WAS: variants seen among roughly 807,000 people sequenced by gnomAD.
The protein encoded by WAS is WASP actin nucleation promoting factor.
Under a neutral mutation model 38.9 loss-of-function variants are expected in WAS, and 1 was observed. That is an observed-to-expected ratio of 0.03 (90% CI 0.01 to 0.12). The LOEUF (loss-of-function observed/expected upper bound fraction) is 0.12, where lower values mean the gene tolerates loss of function less well. Among genes scored for constraint, WAS ranks in the 10% least tolerant of loss-of-function variants. The probability of loss-of-function intolerance (pLI) is 1.00; values close to 1 mark genes in which losing one functional copy is unlikely to be tolerated. For synonymous variants in WAS, 182 were observed against 173.6 expected (o/e 1.05, Z -0.38); for missense variants, 311 against 431.2 (o/e 0.72, Z 2.47).
chrX:48,684,096 C>G, intron 1 of WAS, 111 bp downstream of exon 1: 1 of 1,109,830 alleles, frequency 9.0e-7, no homozygotes, highest in South Asian at 1.9e-5. Flanking sequence ...CCATCATCTC[C>G]TCTCCTAGAA....
At chrX:48,689,920 G>A (rs2062434433) in intron 11 of WAS, among the ~76,000 whole-genome samples, 1 of 107,085 alleles carries the variant, frequency 9.3e-6, no homozygotes, top group African/African-American at 3.4e-5. Flanking sequence ...AGGATTGCTT[G>A]ACCCTGGGAG....
chrX:48,687,827 G>C (rs1022783539), intron 7 of WAS, among the ~76,000 whole-genome samples: 2 of 111,685 alleles, frequency 1.8e-5, no homozygotes, highest in Non-Finnish European at 3.8e-5. Context: ...GTGGACAAAT[G>C]CATGGGATAG....
Position 48,678,525 on chromosome X carries a change from C to T in WAS, c.-131+1777C>T, listed in dbSNP as rs112592174. On this transcript the variant is annotated intron_variant, in intron 1 of 8. Transcript: ENST00000450772. The stretch of plus-strand genomic sequence containing the variant: ...ACAGGAGGTGATTCATCTGGTGCCC[C>T]TAGGGGTTGGAGGGGAAGGTGATGG... Among the ~76,000 whole-genome samples the T allele has an allele frequency of 5.3e-3, 589 of 110,906 alleles. 7 individuals carry two copies. Among genetic ancestry groups the T allele is most frequent in the African/African-American group, 0.017 (521 of 30,511 alleles).
rs193922412 is a variant in WAS at position 48,688,910 on chromosome X, A to ACCACCACCG, written c.1197_1205dup (p.Pro402_Pro404dup). ...CTGGAGCTGGTGGGCCACCCATGCCACCACCACCGCCACCACCGCCACCGC... is the reference window on the plus strand; with the variant it reads ...CTGGAGCTGGTGGGCCACCCATGCCACCACCACCGCCACCACCGCCACCACCGCCACCGC... On this transcript the variant is annotated inframe_insertion, in exon 10 of 12. Transcript: ENST00000376701. The ACCACCACCG allele has an allele frequency of 1.8e-5, 20 of 1,127,303 alleles. No homozygotes were observed. The highest frequency in any genetic ancestry group is 2.7e-5 in the Admixed American group (1 of 37,371). 92.9% of individuals were successfully genotyped at this position (1,127,303 alleles called of 1,213,427 possible).
Position 48,688,368 on chromosome X carries a change from C to G in WAS, c.846C>G (p.Thr282=). 1 of 1,209,886 alleles carries G rather than the reference C, an allele frequency of 8.3e-7. No homozygotes were observed. The part of the protein sequence containing the change: ...SRAGISEAQL[T]DAETSKLIYD... ...CAGGAATCAGCGAGGCCCAGCTCACCGACGCCGAGACCTCTAAACTTATCT... is the reference window on the plus strand; with the variant it reads ...CAGGAATCAGCGAGGCCCAGCTCACGGACGCCGAGACCTCTAAACTTATCT... Residue 282 remains threonine (T), a synonymous_variant, in exon 9 of 12, where the codon ACC becomes ACG. Coordinates refer to ENST00000376701, the MANE Select transcript of WAS (RefSeq NM_000377.3).
intron 11 of WAS, 174 bp downstream of exon 11, chrX:48,689,608 A>G: frequency 2.1e-6 from 1 of 470,248 alleles, no homozygotes; most frequent in Non-Finnish European, 3.8e-6. Context: ...ATTATGTGAC[A>G]ATAATATAAT....
At chrX:48,685,411 G>A (rs2062415673) in intron 2 of WAS, 136 bp from the exon 3 acceptor site, 1 of 516,750 alleles carries the variant, frequency 1.9e-6, no homozygotes, top group Non-Finnish European at 3.4e-6. Flanking sequence ...CAACTCTCTG[G>A]TGCTGAGCTG....
chrX:48,684,217 G>A, intron 1 of WAS, 66 bp from the exon 2 acceptor site: 1 of 1,205,122 alleles, frequency 8.3e-7, no homozygotes, highest in Non-Finnish European at 1.1e-6. Context: ...GAAGGACCAG[G>A]TCTGGCTCCA....
chrX:48,689,304 T>A lies in WAS; in HGVS notation c.1339-16T>A. 8.5e-7 allele frequency: 1 copy of A among 1,182,479 alleles called. No individual in the cohort carries two copies. The highest frequency in any genetic ancestry group is 1.1e-6 in the Non-Finnish European group (1 of 876,705). The stretch of plus-strand genomic sequence containing the variant: ...CCAGGCCCTAAGCCCTCTGTGCTGA[T>A]CCCTGCCTGCTGCAGACCCCTGGGG... On this transcript the variant is annotated splice_polypyrimidine_tract_variant and intron_variant, in intron 10 of 11. Transcript: ENST00000376701.
Position 48,686,800 on chromosome X carries a change from C to T in WAS, c.579C>T (p.Leu193=). The change falls in exon 7 of 12, where the codon CTC becomes CTT. Residue 193 remains leucine (L), a synonymous_variant. Transcript: ENST00000376701. The part of the protein sequence containing the change: ...GDQGGPPVGP[L]SLGLATVDIQ... ...CCACAGGCCCTCCAGTGGGTCCGCT[C>T]TCCCTGGGGCTGGCGACAGTGGACA... The T allele has an allele frequency of 8.3e-7, 1 of 1,211,599 alleles. No homozygotes were observed. The highest frequency in any genetic ancestry group is 1.1e-6 in the Non-Finnish European group (1 of 895,500).
intron 11 of WAS, among the ~76,000 whole-genome samples, chrX:48,690,569 C>T (rs782010302): frequency 2.4e-5 from 2 of 82,046 alleles, no homozygotes; most frequent in South Asian, 7.1e-4. Flanking sequence ...CTTCATCTTT[C>T]GACAATGATT....
chrX:48,684,503 G>A (rs2062413496), intron 2 of WAS, 80 bp downstream of exon 2: 2 of 1,117,242 alleles, frequency 1.8e-6, no homozygotes, highest in Non-Finnish European at 2.4e-6. Flanking sequence ...TGTGTCCATA[G>A]CTTCAAGACC....
upstream of WAS, among the ~76,000 whole-genome samples, chrX:48,680,570 C>T (rs1671847256): frequency 9.0e-6 from 1 of 111,665 alleles, no homozygotes; most frequent in South Asian, 3.7e-4. Flanking sequence ...GTCTTCCTAA[C>T]TGCTCATTAT....
At chrX:48,680,014 G>C (rs1214242422), upstream of WAS, among the ~76,000 whole-genome samples, 3 of 111,239 alleles carry the variant, frequency 2.7e-5, no homozygotes, top group Admixed American at 2.9e-4. Flanking sequence ...GGAGACCCTC[G>C]ACCCAAAGGA....
intron 6 of WAS, 117 bp from the exon 7 acceptor site, chrX:48,686,664 A>G (rs2062420934): frequency 6.8e-6 from 6 of 881,662 alleles, no homozygotes; most frequent in Non-Finnish European, 9.7e-6. Flanking sequence ...TTCACCCACT[A>G]CCTCCATGAC....
chrX:48,688,320 T>C lies in WAS; in HGVS notation c.798T>C (p.Asp266=). The C allele has an allele frequency of 8.3e-7, 1 of 1,207,074 alleles. No homozygotes were observed. The highest frequency in any genetic ancestry group is 1.1e-6 in the Non-Finnish European group (1 of 893,009). The change falls in exon 9 of 12, where the codon GAT becomes GAC. Residue 266 remains aspartate, a synonymous_variant. Coordinates refer to ENST00000376701, the MANE Select transcript of WAS (RefSeq NM_000377.3). The part of the protein sequence containing the change: ...NGFDVNNLDP[D]LRSLFSRAGI... ...GGCAGGTGAACAACCTCGACCCAGA[T>C]CTGCGGAGTCTGTTCTCCAGGGCAG...
chrX:48,682,277 T>C (rs2062402816), upstream of WAS, among the ~76,000 whole-genome samples: 5 of 111,623 alleles, frequency 4.5e-5, no homozygotes, highest in Admixed American at 4.7e-4. Flanking sequence ...ATGCACACCA[T>C]GGAATGCTGT....
chrX:48,679,131 G>T (rs1557005494), upstream of WAS, among the ~76,000 whole-genome samples: 4 of 109,318 alleles, frequency 3.7e-5, no homozygotes, highest in East Asian at 1.1e-3. Flanking sequence ...CTAGGCTCAA[G>T]CAATCATCCC....
At chrX:48,677,918 T>A (rs781838742) in intron 1 of WAS, among the ~76,000 whole-genome samples, 1 of 111,905 alleles carries the variant, frequency 8.9e-6, no homozygotes, top group Non-Finnish European at 1.9e-5. Context: ...CTTAGTGCAT[T>A]CAGGGTCTTG....
Sources: gnomAD v4.1 joint callset for allele counts (sites outside exome capture counted in the v4.1 genomes callset) on GRCh38, gnomAD v4.1.1 for gene constraint, MANE v1.5 for transcripts, NCBI Gene and HGNC (gene_info 2026-07-23, HGNC 2026-07-21) for gene names.